Variants in ARRDC4 observed in about 807,000 individuals in gnomAD.
ARRDC4 encodes arrestin domain containing 4, also known as arrestin domain-containing protein 4.
In ARRDC4, 40 loss-of-function variants were observed where a neutral mutation model predicts 44.6. That is an observed-to-expected ratio of 0.90 (90% CI 0.70 to 1.17). The LOEUF (loss-of-function observed/expected upper bound fraction) is 1.17. Among genes scored for constraint, ARRDC4 ranks in the 50% most tolerant of loss-of-function variants. The pLI is 0.00. For missense variants in ARRDC4, 550 were observed against 559.1 expected, an observed-to-expected ratio of 0.98 and a Z score of 0.16; for synonymous variants, 211 against 221.2, an observed-to-expected ratio of 0.95 and a Z score of 0.41.
At chr15:97,963,938 C>T (rs1436323860) in intron 1 of ARRDC4, among the ~76,000 whole-genome samples, 1 of 152,158 alleles carries the variant, frequency 6.6e-6, no homozygotes, top group African/African-American at 2.4e-5. Context: ...GGTCCCTGCT[C>T]TGCTGCTACC....
chr15:97,971,521 T>C lies in ARRDC4; in HGVS notation c.*334T>C, dbSNP rs1225440621. ...AGGAATCTGTAAACAGTGGAAACAC[T>C]GTGGGAGTTTCCCATGGTGAAGAGT... is the stretch of plus-strand genomic sequence containing the variant. On this transcript the variant is annotated 3_prime_UTR_variant, in exon 8 of 8. Transcript: ENST00000268042. 3.4e-6 allele frequency: 1 copy of C among 291,496 alleles called. No individual in the cohort carries two copies. The highest frequency in any genetic ancestry group is 6.5e-6 in the Non-Finnish European group (1 of 153,028). The allele number at this position is 291,496 out of a possible 1,614,324, so 18.1% of individuals were successfully genotyped here.
chr15:97,960,773 G>T lies in ARRDC4; in HGVS notation c.-89G>T, dbSNP rs1232997426. On this transcript the variant is annotated 5_prime_UTR_variant, in exon 1 of 8. Coordinates refer to ENST00000268042, the MANE Select transcript of ARRDC4 (RefSeq NM_183376.3). ...TGCCGCGGCGGCCTTACCCTGCCGC[G>T]AGCGCCTGTGACAGCGGCGCCGCTG... 2 of 1,186,998 alleles carry T rather than the reference G, an allele frequency of 1.7e-6. No individual in the cohort carries two copies. The highest frequency in any genetic ancestry group is 6.9e-5 in the South Asian group (2 of 29,042). 73.5% of individuals were successfully genotyped at this position (1,186,998 alleles called of 1,614,324 possible). A position where few individuals can be genotyped will look rare whatever the true frequency, so the allele number is the denominator to read the frequency against.
intron 1 of ARRDC4, among the ~76,000 whole-genome samples, chr15:97,963,937 TCTG>T (rs1329741173): frequency 8.5e-5 from 13 of 152,182 alleles, no homozygotes; most frequent in African/African-American, 2.4e-4. Flanking sequence ...TGGTCCCTGC[TCTG>T]CTGCTACCTT....
rs1338461141 is a variant in ARRDC4 at position 97,969,249 on chromosome 15, T to A, written c.752T>A (p.Val251Asp). 6.2e-7 allele frequency: 1 copy of A among 1,613,924 alleles called. No individual in the cohort carries two copies. Among genetic ancestry groups the A allele is most frequent in the African/African-American group, 1.3e-5 (1 of 75,040 alleles). Residue 251 changes from valine (V) to aspartate (D), a missense_variant, in exon 5 of 8, where the codon GTC becomes GAC. By Grantham distance (152) the Val-to-Asp change is radical. Coordinates refer to ENST00000268042, the MANE Select transcript of ARRDC4 (RefSeq NM_183376.3). ...AAAACAAAGACCATTCGACACATGG[T>A]CGCCAATGTGCGAGGAAACCACATC... ...SGKTKTIRHM[V>D]ANVRGNHIAS...
chr15:97,963,258 CG>C (rs1421292995), intron 1 of ARRDC4, among the ~76,000 whole-genome samples: 1 of 152,140 alleles, frequency 6.6e-6, no homozygotes, highest in Non-Finnish European at 1.5e-5. Context: ...AAATAATGAG[CG>C]GTTGGTGCAG....
Position 97,960,824 on chromosome 15 carries a change from C to A in ARRDC4, c.-38C>A, listed in dbSNP as rs1899294019. 2.4e-6 allele frequency: 3 copies of A among 1,276,048 alleles called. No homozygotes were observed. Among genetic ancestry groups the A allele is most frequent in the Non-Finnish European group, 3.0e-6 (3 of 1,012,428 alleles). 79.0% of individuals were successfully genotyped at this position (1,276,048 alleles called of 1,614,324 possible). ...TGCTCGCGACCCCGGCTCCGGGCCT[C>A]TGCCGACCTCAGGGGCAGGAAAGAG... is the stretch of plus-strand genomic sequence containing the variant. On this transcript the variant is annotated 5_prime_UTR_variant, in exon 1 of 8. In the 5' UTR this introduces an upstream ATG that the reference lacks. Transcript: ENST00000268042.
Position 97,967,560 on chromosome 15 carries a change from G to A in ARRDC4, c.523-454G>A, listed in dbSNP as rs1367349350. Among the ~76,000 whole-genome samples the A allele has an allele frequency of 1.3e-5, 2 of 151,564 alleles. No homozygotes were observed. Among genetic ancestry groups the A allele is most frequent in the Non-Finnish European group, 2.9e-5 (2 of 68,006 alleles). On this transcript the variant is annotated intron_variant, in intron 3 of 7. Transcript: ENST00000268042. The surrounding 1 kb of genome is among the most constrained non-coding windows in gnomAD (Gnocchi z 5.0). ...CATTTTGAAGTAAGTGGTGGGAAAA[G>A]GCTGTTTGTTTATTCCACTTTATTA...
At chr15:97,964,884 T>C (rs918177556) in intron 1 of ARRDC4, among the ~76,000 whole-genome samples, 2 of 152,342 alleles carry the variant, frequency 1.3e-5, no homozygotes, top group Admixed American at 6.5e-5. Flanking sequence ...GTGTGATGTT[T>C]CTGGTATACC....
chr15:97,963,713 C>T (rs1899365111), intron 1 of ARRDC4, among the ~76,000 whole-genome samples: 1 of 152,216 alleles, frequency 6.6e-6, no homozygotes, highest in South Asian at 2.1e-4. Context: ...CTCCTTTCCT[C>T]CCCCGGTCTC....
Position 97,967,432 on chromosome 15 carries a change from T to C in ARRDC4, c.523-582T>C, listed in dbSNP as rs1004640804. Reference sequence around the variant, plus strand: ...TACTGCAGTGAGAGGGTATGTTTAATAAGCTTTTCAGATCGGTTAACACTA... The same window carrying C: ...TACTGCAGTGAGAGGGTATGTTTAACAAGCTTTTCAGATCGGTTAACACTA... On this transcript the variant is annotated intron_variant, in intron 3 of 7. Coordinates refer to ENST00000268042, the MANE Select transcript of ARRDC4 (RefSeq NM_183376.3). This position sits in a 1 kb window ranked among gnomAD's most constrained non-coding sequence, Gnocchi z 5.0. Among the ~76,000 whole-genome samples, 2 of 152,068 alleles carry C rather than the reference T, an allele frequency of 1.3e-5. No individual in the cohort carries two copies. The highest frequency in any genetic ancestry group is 2.9e-5 in the Non-Finnish European group (2 of 68,030).
Position 97,965,642 on chromosome 15 carries a change from C to A in ARRDC4, c.350C>A (p.Pro117Gln), listed in dbSNP as rs1899404949. The A allele has an allele frequency of 6.2e-7, 1 of 1,613,540 alleles. No individual in the cohort carries two copies. Among genetic ancestry groups the A allele is most frequent in the Admixed American group, 1.7e-5 (1 of 59,998 alleles). ...TTACAGCCTGGAAAACATGAATTTC[C>A]ATTTCGCTTTCAACTTCCATCTGAG... ...ILLQPGKHEF[P>Q]FRFQLPSEPL... The change falls in exon 2 of 8, where the codon CCA becomes CAA. Residue 117 changes from proline (P) to glutamine (Q), a missense_variant. Physicochemically the swap from Pro to Gln is moderately conservative, Grantham distance 76. Coordinates refer to ENST00000268042, the MANE Select transcript of ARRDC4 (RefSeq NM_183376.3). The surrounding 1 kb of genome is among the most constrained non-coding windows in gnomAD (Gnocchi z 5.1).
chr15:97,960,915 G>A lies in ARRDC4; in HGVS notation c.54G>A (p.Lys18=), dbSNP rs748806356. 1.4e-6 allele frequency: 2 copies of A among 1,440,052 alleles called. No homozygotes were observed. The highest frequency in any genetic ancestry group is 1.4e-5 in the South Asian group (1 of 71,366). 89.2% of individuals were successfully genotyped at this position (1,440,052 alleles called of 1,614,324 possible). ...CCGTGGGTGCCGAGGGCCGCGTGAA[G>A]AGCCTGGGTCTGGTGTTCGAGGACG... ...AAAVGAEGRV[K]SLGLVFEDER... is the part of the protein sequence containing the mutation. The change falls in exon 1 of 8, where the codon AAG becomes AAA. Residue 18 remains lysine, a synonymous_variant. Coordinates refer to ENST00000268042, the MANE Select transcript of ARRDC4 (RefSeq NM_183376.3).
In ARRDC4 at chr15:97,968,192, T is replaced by G; in HGVS notation, c.625+76T>G. The G allele has an allele frequency of 1.0e-6, 1 of 967,556 alleles. No homozygotes were observed. Among genetic ancestry groups the G allele is most frequent in the Middle Eastern group, 2.3e-4 (1 of 4,280 alleles). 59.9% of individuals were successfully genotyped at this position (967,556 alleles called of 1,614,324 possible). On this transcript the variant is annotated intron_variant, in intron 4 of 7. Transcript: ENST00000268042. The surrounding 1 kb of genome is among the most constrained non-coding windows in gnomAD (Gnocchi z 5.4). Reference sequence around the variant, plus strand: ...GCTAATTTTAAGTGATTTTAAATAGTGTTTTTTGTAATTATATGACGTGTA... The same window carrying G: ...GCTAATTTTAAGTGATTTTAAATAGGGTTTTTTGTAATTATATGACGTGTA...
In ARRDC4 at chr15:97,965,671, G is replaced by A; in HGVS notation, c.374+5G>A. 6.2e-7 allele frequency: 1 copy of A among 1,611,926 alleles called. No homozygotes were observed. Among genetic ancestry groups the A allele is most frequent in the Non-Finnish European group, 8.5e-7 (1 of 1,178,068 alleles). On this transcript the variant is annotated splice_donor_5th_base_variant and intron_variant, in intron 2 of 7. Coordinates refer to ENST00000268042, the MANE Select transcript of ARRDC4 (RefSeq NM_183376.3). The surrounding 1 kb of genome is among the most constrained non-coding windows in gnomAD (Gnocchi z 5.1). Reference sequence around the variant, plus strand: ...TCGCTTTCAACTTCCATCTGAGTAAGTGAAACACTACAATTTTGTGGTTAT... The same window carrying A: ...TCGCTTTCAACTTCCATCTGAGTAAATGAAACACTACAATTTTGTGGTTAT...
In ARRDC4 at chr15:97,972,142, T is replaced by A. The variant is rs1359632439; in HGVS notation, c.*955T>A. The A allele has an allele frequency of 2.0e-5, 3 of 152,616 alleles. No homozygotes were observed. The highest frequency in any genetic ancestry group is 7.2e-5 in the African/African-American group (3 of 41,444). 9.5% of individuals were successfully genotyped at this position (152,616 alleles called of 1,614,324 possible). A position where few individuals can be genotyped will look rare whatever the true frequency, so the allele number is the denominator to read the frequency against. The stretch of plus-strand genomic sequence containing the variant: ...CCTGAGTACTCTTCTTGGGAGTTGC[T>A]GCTGTTTACAGCCACAGTCTCATCT... On this transcript the variant is annotated 3_prime_UTR_variant, in exon 8 of 8. Transcript: ENST00000268042. This position sits in a 1 kb window ranked among gnomAD's most constrained non-coding sequence, Gnocchi z 5.3.
chr15:97,960,710 C>A lies in ARRDC4; in HGVS notation c.-152C>A. 1.6e-6 allele frequency: 1 copy of A among 635,126 alleles called. No individual in the cohort carries two copies. Among genetic ancestry groups the A allele is most frequent in the Non-Finnish European group, 2.3e-6 (1 of 443,008 alleles). 39.3% of individuals were successfully genotyped at this position (635,126 alleles called of 1,614,324 possible). A position where few individuals can be genotyped will look rare whatever the true frequency, so the allele number is the denominator to read the frequency against. On this transcript the variant is annotated 5_prime_UTR_variant, in exon 1 of 8. Transcript: ENST00000268042. ...AACTGGGTTTGTTAAAGCGACAGGC[C>A]TCTCGGCGAGCCGGTGCCCCATCGG...
Position 97,965,767 on chromosome 15 carries a change from A to T in ARRDC4, c.374+101A>T. On this transcript the variant is annotated intron_variant, in intron 2 of 7. Coordinates refer to ENST00000268042, the MANE Select transcript of ARRDC4 (RefSeq NM_183376.3). The surrounding 1 kb of genome is among the most constrained non-coding windows in gnomAD (Gnocchi z 5.1). ...TTCTGATTCTCAAGTATGCATGTTT[A>T]CACTGAATAGTCCCTAAATAGACTT... The T allele has an allele frequency of 1.3e-6, 2 of 1,484,720 alleles. No individual in the cohort carries two copies. The highest frequency in any genetic ancestry group is 1.1e-5 in the South Asian group (1 of 87,684). The allele number at this position is 1,484,720 out of a possible 1,614,324, so 92.0% of individuals were successfully genotyped here.
chr15:97,963,619 A>C (rs1899362901), intron 1 of ARRDC4, among the ~76,000 whole-genome samples: 1 of 152,194 alleles, frequency 6.6e-6, no homozygotes, highest in African/African-American at 2.4e-5. Flanking sequence ...TCAGGTCCTG[A>C]AGATGTCGGG....
At chr15:97,963,504 C>T (rs1206677501) in intron 1 of ARRDC4, among the ~76,000 whole-genome samples, 1 of 152,190 alleles carries the variant, frequency 6.6e-6, no homozygotes, top group African/African-American at 2.4e-5. Context: ...CTCTCATTCT[C>T]TTCAGTATCC....
Sources: allele counts gnomAD v4.1 joint callset (sites outside exome capture counted in the v4.1 genomes callset), GRCh38; gene constraint gnomAD v4.1.1; non-coding constraint Gnocchi (gnomAD v3.1); transcripts MANE v1.5; gene names NCBI Gene and HGNC (gene_info 2026-07-23, HGNC 2026-07-21).